IGDCC4: variants seen among roughly 807,000 people sequenced by gnomAD.
IGDCC4 encodes immunoglobulin superfamily DCC subclass member 4.
A neutral mutation model predicts 116.6 loss-of-function variants in IGDCC4; 72 were observed. That is an observed-to-expected ratio of 0.62 (90% CI 0.51 to 0.75). The LOEUF (loss-of-function observed/expected upper bound fraction) is 0.75, where lower values mean the gene tolerates loss of function less well. Among genes scored for constraint, IGDCC4 ranks in the 30% least tolerant of loss-of-function variants. The pLI is 0.00. For missense variants in IGDCC4, 1,501 were observed against 1,662.4 expected, an observed-to-expected ratio of 0.90 and a Z score of 1.69; for synonymous variants, 709 against 719.9, an observed-to-expected ratio of 0.98 and a Z score of 0.24.
At chr15:65,415,048 T>C (rs1405623774) in intron 1 of IGDCC4, among the ~76,000 whole-genome samples, 1 of 152,200 alleles carries the variant, frequency 6.6e-6, no homozygotes, top group Non-Finnish European at 1.5e-5. Flanking sequence ...AAGTGCTATT[T>C]GCTGTTCTTA....
intron 1 of IGDCC4, among the ~76,000 whole-genome samples, chr15:65,421,614 T>TC (rs1489313684): frequency 6.7e-6 from 1 of 149,954 alleles, no homozygotes; most frequent in Non-Finnish European, 1.5e-5. Context: ...CCCGCCTCCC[T>TC]CCCACGTGGC....
At chr15:65,398,533 C>CAAAAAAAACAAAAAA (rs2062949165) in intron 5 of IGDCC4, among the ~76,000 whole-genome samples, 1 of 77,648 alleles carries the variant, frequency 1.3e-5, no homozygotes, top group Non-Finnish European at 2.5e-5. Context: ...AACTCCATCT[C>CAAAAAAAACAAAAAA]AAAAAAAAAA....
At position 65,392,211 on chromosome 15, in the gene IGDCC4, C is replaced by T; in HGVS notation, c.2045G>A (p.Gly682Asp). Residue 682 changes from glycine (G) to aspartate (D), a missense_variant, in exon 11 of 20, where the codon GGC becomes GAC. Physicochemically the swap from Gly to Asp is moderately conservative, Grantham distance 94. Around this residue, in one of 3 missense-constraint regions of IGDCC4, gnomAD observed 898 missense variants for 978.9 expected, o/e 0.92. Coordinates refer to ENST00000352385, the MANE Select transcript of IGDCC4 (RefSeq NM_020962.3). ...CACATCCCAAGCCTGGTCTCCACGG[C>T]CCCCTGGCAGGCGATCGCCATTGGC... Reference protein sequence around the residue: ...EEANGDRLPGGRGDQAWDVGP... With the variant: ...EEANGDRLPGDRGDQAWDVGP... 1 of 1,613,714 alleles carries T rather than the reference C, an allele frequency of 6.2e-7. No individual in the cohort carries two copies. Among genetic ancestry groups the T allele is most frequent in the Non-Finnish European group, 8.5e-7 (1 of 1,179,808 alleles).
intron 6 of IGDCC4, 146 bp downstream of exon 6, chr15:65,396,688 C>A: frequency 9.6e-7 from 1 of 1,042,934 alleles, no homozygotes. Flanking sequence ...CCTCGTCCCA[C>A]CTCCGCCTTA....
In IGDCC4 at chr15:65,402,364, A is replaced by C; in HGVS notation, c.687T>G (p.Ser229Arg). The change falls in exon 4 of 20, where the codon AGT becomes AGG. Residue 229 changes from serine (S) to arginine (R), a missense_variant. By Grantham distance (110) the Ser-to-Arg change is moderately radical (BLOSUM62 -1). This residue lies in a region of IGDCC4 where 898 missense variants were observed against 978.9 expected (regional missense o/e 0.92). Coordinates refer to ENST00000352385, the MANE Select transcript of IGDCC4 (RefSeq NM_020962.3). ...CAGCCCCCTTACCTCTGTGGGCCAC[A>C]CTGAGTAGGGCCTCCTGGCTGAAGT... is the stretch of plus-strand genomic sequence containing the variant. ...RQHFSQEALL[S>R]VAHRGSLAST... is the part of the protein sequence containing the mutation. 1.3e-6 allele frequency: 2 copies of C among 1,569,428 alleles called. No homozygotes were observed. The highest frequency in any genetic ancestry group is 1.7e-6 in the Non-Finnish European group (2 of 1,156,302).
intron 3 of IGDCC4, among the ~76,000 whole-genome samples, chr15:65,409,799 A>G (rs1001330930): frequency 3.3e-5 from 5 of 152,218 alleles, no homozygotes; most frequent in African/African-American, 1.2e-4. Context: ...AAACCTTCCC[A>G]GCAGCCTCGG....
intron 1 of IGDCC4, among the ~76,000 whole-genome samples, chr15:65,420,239 A>G (rs1375317039): frequency 6.6e-6 from 1 of 152,098 alleles, no homozygotes; most frequent in African/African-American, 2.4e-5. Flanking sequence ...GAGCCACCGC[A>G]CCCGGCCTAT....
At chr15:65,397,410 T>A (rs1026950843) in intron 5 of IGDCC4, among the ~76,000 whole-genome samples, 5 of 152,166 alleles carry the variant, frequency 3.3e-5, no homozygotes, top group African/African-American at 4.8e-5. Context: ...TTTACCTCAA[T>A]GTGAAATGAA....
chr15:65,391,890 C>A lies in IGDCC4; in HGVS notation c.2214G>T (p.Ala738=), dbSNP rs139367941. Residue 738 remains alanine, a synonymous_variant, in exon 12 of 20, where the codon GCG becomes GCT. Transcript: ENST00000352385. Reference sequence around the variant, plus strand: ...CCCCACCGCCCTCACCTGGTGCCGGCGCCTTCTCCGTCTTGCCCTTCCACA... The same window carrying A: ...CCCCACCGCCCTCACCTGGTGCCGGAGCCTTCTCCGTCTTGCCCTTCCACA... ...AAVWKGKTEK[A]PAPDMPIQRG... The A allele has an allele frequency of 4.3e-6, 7 of 1,613,624 alleles. No individual in the cohort carries two copies. The highest frequency in any genetic ancestry group is 5.9e-6 in the Non-Finnish European group (7 of 1,179,958).
At chr15:65,400,698 G>T in intron 5 of IGDCC4, 108 bp downstream of exon 5, 2 of 1,382,510 alleles carry the variant, frequency 1.4e-6, no homozygotes, top group East Asian at 2.4e-5. Flanking sequence ...CACACCAGAA[G>T]GTTCGTGACC....
At chr15:65,417,848 G>T (rs1181759788) in intron 1 of IGDCC4, among the ~76,000 whole-genome samples, 1 of 152,102 alleles carries the variant, frequency 6.6e-6, no homozygotes, top group Non-Finnish European at 1.5e-5. Flanking sequence ...CGCCCACCTT[G>T]GCCTCCCAAA....
intron 6 of IGDCC4, 53 bp from the exon 7 acceptor site, chr15:65,396,216 G>GCCCCCCCCCCCCCC: frequency 8.4e-7 from 1 of 1,188,160 alleles, no homozygotes; most frequent in Non-Finnish European, 1.1e-6. Flanking sequence ...TAAGGTCTCT[G>GCCCCCCCCCCCCCC]CCCCCCCCCC....
chr15:65,396,318 C>T, intron 6 of IGDCC4, 155 bp from the exon 7 acceptor site: 1 of 833,738 alleles, frequency 1.2e-6, no homozygotes, highest in Non-Finnish European at 2.0e-6. Flanking sequence ...ACTACTCCGG[C>T]TCAGCGCAGA....
chr15:65,413,726 C>T (rs2063118891), intron 1 of IGDCC4, among the ~76,000 whole-genome samples: 1 of 152,206 alleles, frequency 6.6e-6, no homozygotes, highest in Non-Finnish European at 1.5e-5. Context: ...TGAGAGGAAC[C>T]AGGGCCAGAG....
At position 65,409,110 on chromosome 15, in the gene IGDCC4, C is replaced by T. The variant is rs551776303; in HGVS notation, c.563+1068G>A. 3.3e-5 allele frequency among the ~76,000 whole-genome samples: 5 copies of T among 152,288 alleles called. No individual in the cohort carries two copies. In the South Asian group the frequency reaches 8.3e-4, roughly 25 times the overall value. On this transcript the variant is annotated intron_variant, in intron 3 of 19. Transcript: ENST00000352385. ...TCGTCCTCCCAAAAGGTTGGGATTACAGGCATGAGTCACCACACCCAGCCA... is the reference window on the plus strand; with the variant it reads ...TCGTCCTCCCAAAAGGTTGGGATTATAGGCATGAGTCACCACACCCAGCCA...
intron 1 of IGDCC4, among the ~76,000 whole-genome samples, chr15:65,411,572 T>C (rs1334816037): frequency 6.6e-6 from 1 of 152,130 alleles, no homozygotes; most frequent in Non-Finnish European, 1.5e-5. Flanking sequence ...CTCAATTTCC[T>C]CATAGCAGCA....
Position 65,395,239 on chromosome 15 carries a change from G to C in IGDCC4, c.1431C>G (p.Tyr477Ter). 1 of 1,613,318 alleles carries C rather than the reference G, an allele frequency of 6.2e-7. No homozygotes were observed. Among genetic ancestry groups the C allele is most frequent in the Non-Finnish European group, 8.5e-7 (1 of 1,179,448 alleles). Residue 477 changes from tyrosine (Y) to a stop codon, truncating the protein, a stop_gained, in exon 8 of 20, where the codon TAC becomes TAG. Coordinates refer to ENST00000352385, the MANE Select transcript of IGDCC4 (RefSeq NM_020962.3). LOFTEE classifies it high-confidence loss of function. ...TGGTGTCGTTGTTCACTGCAAACTGGTATTCCACATTGTCCATGCCTGGTG... is the reference window on the plus strand; with the variant it reads ...TGGTGTCGTTGTTCACTGCAAACTGCTATTCCACATTGTCCATGCCTGGTG... Reference protein sequence around the residue: ...QKARGMDNVEYQFAVNNDTTE... With the variant: ...QKARGMDNVE
rs200414898 is a variant in IGDCC4, at chr15:65,388,483, C to A, written c.2811G>T (p.Leu937=). The A allele has an allele frequency of 2.4e-5, 39 of 1,614,056 alleles. No individual in the cohort carries two copies. The highest frequency in any genetic ancestry group is 3.2e-5 in the Non-Finnish European group (38 of 1,180,050). ...TCTCCTGGAGCGTGATCACATCCTG[C>A]AGGCGGGAGAAAGGCCCAGGTCCCA... The part of the protein sequence containing the change: ...TEVGPGPFSR[L]QDVITLQEKL... The change falls in exon 16 of 20, where the codon CTG becomes CTT. Residue 937 remains leucine (L), a synonymous_variant. Transcript: ENST00000352385.
In IGDCC4 at chr15:65,393,592, C is replaced by T. The variant is rs1443061237; in HGVS notation, c.1715-61G>A. On this transcript the variant is annotated intron_variant, in intron 9 of 19. Transcript: ENST00000352385. This position sits in a 1 kb window ranked among gnomAD's most constrained non-coding sequence, Gnocchi z 4.6. ...ACCTGAGGAACAGGATCCTAAACCC[C>T]CCTACATGGCTCTTCCGCCTCACAT... 10 of 1,497,210 alleles carry T rather than the reference C, an allele frequency of 6.7e-6. No individual in the cohort carries two copies. Among genetic ancestry groups the T allele is most frequent in the African/African-American group, 1.4e-5 (1 of 71,852 alleles). The allele number at this position is 1,497,210 out of a possible 1,614,324, so 92.7% of individuals were successfully genotyped here.
Sources: gnomAD v4.1 joint callset for allele counts (sites outside exome capture counted in the v4.1 genomes callset) on GRCh38, gnomAD v4.1.1 for gene constraint, gnomAD v4.1.1 regional missense constraint, Gnocchi (gnomAD v3.1) non-coding constraint, MANE v1.5 for transcripts, NCBI Gene and HGNC (gene_info 2026-07-23, HGNC 2026-07-21) for gene names.